Variants in LUM observed in about 807,000 individuals in gnomAD.
LUM encodes lumican.
A neutral mutation model predicts 20.5 loss-of-function variants in LUM; 13 were observed. The ratio of observed to expected loss-of-function variants is 0.63; its 90% CI spans 0.41 to 1.01. The LOEUF (loss-of-function observed/expected upper bound fraction) is 1.01, where lower values mean the gene tolerates loss of function less well. Among genes scored for constraint, LUM ranks in the 50% least tolerant of loss-of-function variants. The pLI is 0.00. For missense variants in LUM, 321 were observed against 391.1 expected, an observed-to-expected ratio of 0.82 and a Z score of 1.51; for synonymous variants, 173 against 151.5, an observed-to-expected ratio of 1.14 and a Z score of -1.04.
Position 91,103,283 on chromosome 12 carries a change from C to A in LUM, c.*882G>T, listed in dbSNP as rs1408190005. ...TAGCAGCTTCTTATCTAATAGAATA[C>A]CATTGTATATGAACCAGTAAAAACA... On this transcript the variant is annotated 3_prime_UTR_variant, in exon 3 of 3. Coordinates refer to ENST00000266718, the MANE Select transcript of LUM (RefSeq NM_002345.4). 4 of 151,906 alleles carry A rather than the reference C, an allele frequency of 2.6e-5. No individual in the cohort carries two copies. The highest frequency in any genetic ancestry group is 9.7e-5 in the African/African-American group (4 of 41,386). 9.4% of individuals were successfully genotyped at this position (151,906 alleles called of 1,614,324 possible). A position where few individuals can be genotyped will look rare whatever the true frequency, so the allele number is the denominator to read the frequency against.
intron 1 of LUM, among the ~76,000 whole-genome samples, chr12:91,110,373 C>A (rs887519397): frequency 2.6e-5 from 4 of 152,144 alleles, no homozygotes; most frequent in Admixed American, 6.5e-5. Flanking sequence ...TCAGATGGAA[C>A]GTTATAAAAC....
chr12:91,111,160 A>T (rs1880195906), intron 1 of LUM, among the ~76,000 whole-genome samples: 1 of 152,154 alleles, frequency 6.6e-6, no homozygotes, highest in African/African-American at 2.4e-5. Flanking sequence ...TCTCATTCTA[A>T]CCTTGAAACT....
chr12:91,106,690 T>TTAAAAAAAAAAAAAAA (rs1880038992), intron 2 of LUM, among the ~76,000 whole-genome samples: 4 of 90,584 alleles, frequency 4.4e-5, no homozygotes, highest in African/African-American at 1.8e-4. Flanking sequence ...ATTTTTCTTC[T>TTAAAAAAAAAAAAAAA]AAAAAAAAAA....
chr12:91,110,165 A>G (rs1880170160), intron 1 of LUM, among the ~76,000 whole-genome samples: 1 of 152,184 alleles, frequency 6.6e-6, no homozygotes, highest in South Asian at 2.1e-4. Flanking sequence ...CAAAGTTGGT[A>G]GCCCTGGGAG....
At position 91,108,942 on chromosome 12, in the gene LUM, A is replaced by ATC. The variant is rs1408956654; in HGVS notation, c.36_37dup (p.Ile13ArgfsTer45). The ATC allele has an allele frequency of 6.2e-7, 1 of 1,613,772 alleles. No individual in the cohort carries two copies. Among genetic ancestry groups the ATC allele is most frequent in the Non-Finnish European group, 8.5e-7 (1 of 1,179,766 alleles). On this transcript the variant is annotated frameshift_variant, in exon 2 of 3. Transcript: ENST00000266718. LOFTEE classifies it high-confidence loss of function. This position sits in a 1 kb window ranked among gnomAD's most constrained non-coding sequence, Gnocchi z 4.2. ...ATAGTACTGGCCACTGGTACCACCA[A>ATC]TCAATGCCAGGAAGAGAGTAAATGC...
At chr12:91,106,562 A>G (rs1273681817) in intron 2 of LUM, among the ~76,000 whole-genome samples, 1 of 151,988 alleles carries the variant, frequency 6.6e-6, no homozygotes, top group Non-Finnish European at 1.5e-5. Flanking sequence ...GTCCAAATGC[A>G]TCAGATCAAA....
intron 2 of LUM, among the ~76,000 whole-genome samples, chr12:91,105,692 T>G (rs1880014765): frequency 6.6e-6 from 1 of 152,204 alleles, no homozygotes; most frequent in African/African-American, 2.4e-5. Flanking sequence ...TTATGTTACC[T>G]TTTCAAATGA....
chr12:91,104,026 A>T lies in LUM; in HGVS notation c.*139T>A. On this transcript the variant is annotated 3_prime_UTR_variant, in exon 3 of 3. Coordinates refer to ENST00000266718, the MANE Select transcript of LUM (RefSeq NM_002345.4). The stretch of plus-strand genomic sequence containing the variant: ...TAGGCCTGCCTTTCATCTTTTCTTT[A>T]AAAAAAATAAATGTTTACAAAACAT... 1 of 682,374 alleles carries T rather than the reference A, an allele frequency of 1.5e-6. No homozygotes were observed. The highest frequency in any genetic ancestry group is 2.4e-6 in the Non-Finnish European group (1 of 421,998). The allele number at this position is 682,374 out of a possible 1,614,324, so 42.3% of individuals were successfully genotyped here. A position where few individuals can be genotyped will look rare whatever the true frequency, so the allele number is the denominator to read the frequency against.
rs140250411 is a variant in LUM at position 91,110,290 on chromosome 12, G to C, written c.-22+1108C>G. On this transcript the variant is annotated intron_variant, in intron 1 of 2. Coordinates refer to ENST00000266718, the MANE Select transcript of LUM (RefSeq NM_002345.4). ...GATCAAAGTAGTTTGGGATAAGCAG[G>C]ATCTTTGGGGTTAGAAACTGAAAAC... Among the ~76,000 whole-genome samples, 41 of 152,250 alleles carry C rather than the reference G, an allele frequency of 2.7e-4. No individual in the cohort carries two copies. The East Asian group carries it at 7.3e-3, about 27-fold the overall frequency.
intron 1 of LUM, among the ~76,000 whole-genome samples, chr12:91,111,105 C>T (rs1034274862): frequency 6.6e-6 from 1 of 152,138 alleles, no homozygotes; most frequent in African/African-American, 2.4e-5. Flanking sequence ...ACATAACAAA[C>T]ATATTAATTT....
intron 2 of LUM, among the ~76,000 whole-genome samples, chr12:91,107,315 AAGAAAG>A (rs1880096322): frequency 7.1e-6 from 1 of 141,138 alleles, no homozygotes; most frequent in Non-Finnish European, 1.5e-5. Context: ...GAAAGAAAGA[AAGAAAG>A]AAAGAAAGAA....
chr12:91,108,680 G>T lies in LUM; in HGVS notation c.300C>A (p.Asn100Lys). The T allele has an allele frequency of 6.2e-7, 1 of 1,613,718 alleles. No individual in the cohort carries two copies. Among genetic ancestry groups the T allele is most frequent in the Non-Finnish European group, 8.5e-7 (1 of 1,179,716 alleles). Reference protein sequence around the residue: ...TDLQWLILDHNLLENSKIKGR... With the variant: ...TDLQWLILDHKLLENSKIKGR... ...CTTTTATCTTGGAGTTTTCTAGAAG[G>T]TTGTGATCTAGAATGAGCCACTGCA... The change falls in exon 2 of 3, where the codon AAC becomes AAA. Residue 100 changes from asparagine to lysine, a missense_variant. Asn to Lys is a moderately conservative substitution (Grantham distance 94). Transcript: ENST00000266718. The surrounding 1 kb of genome is among the most constrained non-coding windows in gnomAD (Gnocchi z 4.2).
chr12:91,108,584 C>G lies in LUM; in HGVS notation c.396G>C (p.Val132=), dbSNP rs1420145097. ...CCTCCAGAGATTTGGGAAGTGGGCC[C>G]ACAGACTCTGTCAGGTTGTTGTGGT... ...HINHNNLTES[V]GPLPKSLEDL... Residue 132 remains valine, a synonymous_variant, in exon 2 of 3, where the codon GTG becomes GTC. Transcript: ENST00000266718. This position sits in a 1 kb window ranked among gnomAD's most constrained non-coding sequence, Gnocchi z 4.2. 1 of 1,611,562 alleles carries G rather than the reference C, an allele frequency of 6.2e-7. No individual in the cohort carries two copies. The highest frequency in any genetic ancestry group is 8.5e-7 in the Non-Finnish European group (1 of 1,178,550).
chr12:91,106,315 A>C (rs1282708513), intron 2 of LUM, among the ~76,000 whole-genome samples: 1 of 152,206 alleles, frequency 6.6e-6, no homozygotes, highest in Non-Finnish European at 1.5e-5. Context: ...AGAGATGTTC[A>C]AATTCAATAG....
Position 91,108,460 on chromosome 12 carries a change from C to A in LUM, c.520G>T (p.Asp174Tyr). ...CCTTTAAAAGCAGCTGAAACAGCAT[C>A]CTCTTTCAGCCGATTGTGCTGGAGA... is the stretch of plus-strand genomic sequence containing the variant. ...IHLQHNRLKE[D>Y]AVSAAFKGLK... Residue 174 changes from aspartate to tyrosine, a missense_variant, in exon 2 of 3, where the codon GAT (aspartate) becomes TAT (tyrosine). Transcript: ENST00000266718. The surrounding 1 kb of genome is among the most constrained non-coding windows in gnomAD (Gnocchi z 4.2). 1.2e-6 allele frequency: 2 copies of A among 1,614,098 alleles called. No individual in the cohort carries two copies. The highest frequency in any genetic ancestry group is 1.7e-6 in the Non-Finnish European group (2 of 1,180,004).
In LUM at chr12:91,108,662, C is replaced by A; in HGVS notation, c.318G>T (p.Lys106Asn). The A allele has an allele frequency of 6.2e-7, 1 of 1,613,932 alleles. No individual in the cohort carries two copies. The highest frequency in any genetic ancestry group is 8.5e-7 in the Non-Finnish European group (1 of 1,179,886). Reference protein sequence around the residue: ...ILDHNLLENSKIKGRVFSKLK... With the variant: ...ILDHNLLENSNIKGRVFSKLK... ...ATTTAGAGAAAACTCTCCCTTTTATCTTGGAGTTTTCTAGAAGGTTGTGAT... is the reference window on the plus strand; with the variant it reads ...ATTTAGAGAAAACTCTCCCTTTTATATTGGAGTTTTCTAGAAGGTTGTGAT... The change falls in exon 2 of 3, where the codon AAG becomes AAT. Residue 106 changes from lysine to asparagine, a missense_variant. By Grantham distance (94) the Lys-to-Asn change is moderately conservative. Coordinates refer to ENST00000266718, the MANE Select transcript of LUM (RefSeq NM_002345.4). The surrounding 1 kb of genome is among the most constrained non-coding windows in gnomAD (Gnocchi z 4.2).
At chr12:91,109,409 A>G (rs1329070877) in intron 1 of LUM, among the ~76,000 whole-genome samples, 1 of 152,184 alleles carries the variant, frequency 6.6e-6, no homozygotes, top group East Asian at 1.9e-4. Context: ...ACTCTACCCT[A>G]CCATTCGACA....
At chr12:91,104,741 C>T (rs983786559) in intron 2 of LUM, among the ~76,000 whole-genome samples, 9 of 152,054 alleles carry the variant, frequency 5.9e-5, no homozygotes, top group Non-Finnish European at 1.3e-4. Flanking sequence ...GAAGGGTTAA[C>T]TAGATGATCT....
chr12:91,110,371 A>C (rs1880177408), intron 1 of LUM, among the ~76,000 whole-genome samples: 1 of 152,132 alleles, frequency 6.6e-6, no homozygotes, highest in South Asian at 2.1e-4. Flanking sequence ...GATCAGATGG[A>C]ACGTTATAAA....
Sources: gnomAD v4.1 joint callset for allele counts (sites outside exome capture counted in the v4.1 genomes callset) on GRCh38, gnomAD v4.1.1 for gene constraint, Gnocchi (gnomAD v3.1) non-coding constraint, MANE v1.5 for transcripts, NCBI Gene and HGNC (gene_info 2026-07-23, HGNC 2026-07-21) for gene names.